The following SLC35F1 variants were observed in gnomAD, a reference collection of about 807,000 sequenced individuals.
SLC35F1 encodes the protein solute carrier family 35 member F1.
SLC35F1 carries 14 observed loss-of-function variants against 48.7 expected under a neutral mutation model. The observed-to-expected ratio is 0.29, with a 90% CI of 0.19 to 0.45. SLC35F1 has a LOEUF of 0.45. SLC35F1 is among the 20% of genes least tolerant of loss of function. SLC35F1 has a pLI of 1.00. For missense variants in SLC35F1, 404 were observed against 500.0 expected, an observed-to-expected ratio of 0.81 and a Z score of 1.83; for synonymous variants, 190 against 202.2, an observed-to-expected ratio of 0.94 and a Z score of 0.51.
intron 2 of SLC35F1, among the ~76,000 whole-genome samples, chr6:118,162,799 T>G (rs75291480): frequency 0.032 from 4,945 of 152,196 alleles, 282 homozygotes; most frequent in African/African-American, 0.11. Context: ...CAAGCTTAAG[T>G]CCACCAAACA....
chr6:118,171,067 C>T (rs1294530532), intron 2 of SLC35F1, among the ~76,000 whole-genome samples: 2 of 151,976 alleles, frequency 1.3e-5, no homozygotes, highest in East Asian at 3.9e-4. Flanking sequence ...AACAGGGTCT[C>T]TCTCTGTCAC....
At chr6:118,066,326 G>T (rs1163115533) in intron 1 of SLC35F1, among the ~76,000 whole-genome samples, 1 of 152,084 alleles carries the variant, frequency 6.6e-6, no homozygotes, top group Non-Finnish European at 1.5e-5. Context: ...ACAAAATTAC[G>T]TCCTTTAACA....
chr6:118,012,420 G>C (rs944067863), intron 1 of SLC35F1, among the ~76,000 whole-genome samples: 1 of 152,034 alleles, frequency 6.6e-6, no homozygotes, highest in African/African-American at 2.4e-5. Flanking sequence ...GGAAGGATCA[G>C]CAAGCTGTTG....
At chr6:118,153,256 A>G (rs1774089774) in intron 1 of SLC35F1, among the ~76,000 whole-genome samples, 1 of 142,410 alleles carries the variant, frequency 7.0e-6, no homozygotes, top group Admixed American at 7.8e-5. Context: ...CTAGAGTGAT[A>G]TAGTTAACAA....
chr6:118,260,359 G>A (rs749899830), intron 3 of SLC35F1, among the ~76,000 whole-genome samples: 1 of 152,064 alleles, frequency 6.6e-6, no homozygotes, highest in Non-Finnish European at 1.5e-5. Flanking sequence ...CTTTAAAAGG[G>A]TGAAATTTAT....
chr6:118,299,755 T>C (rs879585227), intron 7 of SLC35F1, among the ~76,000 whole-genome samples: 42 of 152,284 alleles, frequency 2.8e-4, no homozygotes, highest in Admixed American at 1.8e-3. Context: ...AATTGAAGAA[T>C]TGCTAAATGT....
In SLC35F1 at chr6:118,026,206, C is replaced by T. The variant is rs115475374; in HGVS notation, c.173+118307C>T. On this transcript the variant is annotated intron_variant, in intron 1 of 7. Transcript: ENST00000360388. ...GTTTGAAAGGATACTGAATATTTGG[C>T]GTATGAGCTAAACCTGAAAGGACAG... Among the ~76,000 whole-genome samples the T allele has an allele frequency of 9.3e-3, 1,408 of 152,084 alleles. 29 individuals carry two copies. Among genetic ancestry groups the T allele is most frequent in the African/African-American group, 0.032 (1,322 of 41,464 alleles).
intron 1 of SLC35F1, among the ~76,000 whole-genome samples, chr6:118,044,425 T>C (rs1743125623): frequency 6.6e-6 from 1 of 152,186 alleles, no homozygotes; most frequent in African/African-American, 2.4e-5. Flanking sequence ...GCATCTGTTA[T>C]ATCTGCATGA....
At chr6:118,290,944 G>A (rs563676296) in intron 7 of SLC35F1, among the ~76,000 whole-genome samples, 5 of 151,974 alleles carry the variant, frequency 3.3e-5, no homozygotes, top group South Asian at 4.2e-4. Flanking sequence ...ACAGGCACTC[G>A]CCACCATGCC....
chr6:118,182,318 A>G (rs1297011078), intron 2 of SLC35F1, among the ~76,000 whole-genome samples: 1 of 151,886 alleles, frequency 6.6e-6, no homozygotes, highest in Non-Finnish European at 1.5e-5. Flanking sequence ...ACAAATAAAA[A>G]AGAAAAATTT....
chr6:118,133,251 AAC>A (rs1443103261), intron 1 of SLC35F1, among the ~76,000 whole-genome samples: 1 of 152,116 alleles, frequency 6.6e-6, no homozygotes, highest in Non-Finnish European at 1.5e-5. Flanking sequence ...GCAAAGAAAA[AAC>A]AGAGGGAAGA....
intron 1 of SLC35F1, among the ~76,000 whole-genome samples, chr6:118,097,687 T>C (rs1382245909): frequency 6.6e-6 from 1 of 152,228 alleles, no homozygotes; most frequent in East Asian, 1.9e-4. Flanking sequence ...TAGAGAATTA[T>C]TTTGCTGCCA....
At chr6:118,192,008 A>G (rs1253610671) in intron 2 of SLC35F1, among the ~76,000 whole-genome samples, 1 of 152,202 alleles carries the variant, frequency 6.6e-6, no homozygotes, top group Non-Finnish European at 1.5e-5. Flanking sequence ...CATGGAATGC[A>G]GAACTTTTAA....
At chr6:117,914,014 G>A (rs1411391229) in intron 1 of SLC35F1, among the ~76,000 whole-genome samples, 2 of 152,060 alleles carry the variant, frequency 1.3e-5, no homozygotes, top group African/African-American at 4.8e-5. Context: ...TCACGCCACT[G>A]CATTCCAGCC....
intron 1 of SLC35F1, among the ~76,000 whole-genome samples, chr6:117,914,130 CTA>C: frequency 6.6e-6 from 1 of 150,610 alleles, no homozygotes; most frequent in South Asian, 2.1e-4. Context: ...ATCTATCTAT[CTA>C]TCTATCTGTC....
At chr6:118,002,849 A>G (rs1259386048) in intron 1 of SLC35F1, among the ~76,000 whole-genome samples, 1 of 152,026 alleles carries the variant, frequency 6.6e-6, no homozygotes, top group Non-Finnish European at 1.5e-5. Flanking sequence ...ATTTTTGAGA[A>G]TTAAAAAAAT....
chr6:118,242,177 A>G (rs936293470), intron 3 of SLC35F1, among the ~76,000 whole-genome samples: 1 of 152,344 alleles, frequency 6.6e-6, no homozygotes, highest in Non-Finnish European at 1.5e-5. Context: ...ACCATTTTAC[A>G]TTCCTACCAG....
At chr6:118,039,632 G>T (rs762155024) in intron 1 of SLC35F1, among the ~76,000 whole-genome samples, 9 of 149,194 alleles carry the variant, frequency 6.0e-5, no homozygotes, top group Admixed American at 6.6e-5. Flanking sequence ...TCATCCAGTA[G>T]TCTTTTTTTA....
At chr6:118,225,815 G>A (rs1424153373) in intron 2 of SLC35F1, among the ~76,000 whole-genome samples, 1 of 149,448 alleles carries the variant, frequency 6.7e-6, no homozygotes, top group Non-Finnish European at 1.5e-5. Flanking sequence ...GGTGGAGCTT[G>A]CAGTGAGCCG....
Sources: gnomAD v4.1 joint callset for allele counts (sites outside exome capture counted in the v4.1 genomes callset) on GRCh38, gnomAD v4.1.1 for gene constraint, MANE v1.5 for transcripts, NCBI Gene and HGNC (gene_info 2026-07-23, HGNC 2026-07-21) for gene names.